CNTLN: variants seen among roughly 807,000 people sequenced by gnomAD.
CNTLN encodes the protein centlein, centrosomal protein.
CNTLN carries 212 observed loss-of-function variants against 180.0 expected under a neutral mutation model. The observed-to-expected ratio is 1.18, with a 90% CI of 1.05 to 1.32. The LOEUF (loss-of-function observed/expected upper bound fraction) is 1.32, where lower values mean the gene tolerates loss of function less well. CNTLN is among the 40% of genes most tolerant of loss of function. The probability of loss-of-function intolerance (pLI) is 0.00; values close to 1 mark genes in which losing one functional copy is unlikely to be tolerated. For synonymous variants in CNTLN, 722 were observed against 563.1 expected (o/e 1.28, Z -3.99); for missense variants, 2,095 against 1,610.9 (o/e 1.30, Z -5.14).
chr9:17,443,027 G>T (rs947870337), intron 18 of CNTLN, among the ~76,000 whole-genome samples: 23 of 151,276 alleles, frequency 1.5e-4, no homozygotes, highest in Non-Finnish European at 1.6e-4. Flanking sequence ...AAACAGTTCT[G>T]TTAAAAGGTG....
At chr9:17,382,790 T>A (rs1825364304) in intron 13 of CNTLN, among the ~76,000 whole-genome samples, 1 of 152,214 alleles carries the variant, frequency 6.6e-6, no homozygotes, top group African/African-American at 2.4e-5. Context: ...CTTATTCTCT[T>A]ATTTAGTGAC....
chr9:17,388,436 G>A (rs1000010459), intron 14 of CNTLN, among the ~76,000 whole-genome samples, 183 bp downstream of exon 14: 2 of 152,014 alleles, frequency 1.3e-5, no homozygotes. Flanking sequence ...TGAAATAAAT[G>A]TGTAAACACT....
chr9:17,220,934 GATTT>G (rs1824092426), intron 2 of CNTLN, among the ~76,000 whole-genome samples: 1 of 152,068 alleles, frequency 6.6e-6, no homozygotes, highest in Non-Finnish European at 1.5e-5. Flanking sequence ...TATATGGAAT[GATTT>G]ATATTCCTTT....
At chr9:17,339,042 A>G (rs950431587) in intron 10 of CNTLN, among the ~76,000 whole-genome samples, 1 of 152,202 alleles carries the variant, frequency 6.6e-6, no homozygotes, top group Non-Finnish European at 1.5e-5. Context: ...TATATCTTCT[A>G]AAACTACTTA....
At chr9:17,147,479 T>C (rs528783523) in intron 2 of CNTLN, among the ~76,000 whole-genome samples, 4 of 152,312 alleles carry the variant, frequency 2.6e-5, no homozygotes, top group Admixed American at 2.0e-4. Context: ...TTCTGGGGCC[T>C]CTTCTATGAA....
intron 2 of CNTLN, among the ~76,000 whole-genome samples, chr9:17,165,097 C>G (rs1174537299): frequency 6.6e-6 from 1 of 152,082 alleles, no homozygotes; most frequent in Non-Finnish European, 1.5e-5. Context: ...CTTGGCCTCC[C>G]AAAGTGCTGG....
At chr9:17,346,481 A>G (rs1780015144) in intron 12 of CNTLN, among the ~76,000 whole-genome samples, 4 of 152,170 alleles carry the variant, frequency 2.6e-5, no homozygotes. Flanking sequence ...ATCACTACTG[A>G]ATGGTATTTT....
At chr9:17,367,848 C>A (rs7048748) in intron 13 of CNTLN, among the ~76,000 whole-genome samples, 2,484 of 151,626 alleles carry the variant, frequency 0.016, 72 homozygotes, top group African/African-American at 0.058. Flanking sequence ...GCAGCAATAC[C>A]CAGATGGTAC....
At chr9:17,518,185 T>C in the CNTLN span, among the ~76,000 whole-genome samples, 1 of 151,650 alleles carries the variant, frequency 6.6e-6, no homozygotes, top group East Asian at 2.0e-4. Flanking sequence ...GTAGCTAGGA[T>C]TACAGATGTG....
At chr9:17,314,978 T>C (rs934427432) in intron 8 of CNTLN, among the ~76,000 whole-genome samples, 1 of 152,132 alleles carries the variant, frequency 6.6e-6, no homozygotes, top group Non-Finnish European at 1.5e-5. Flanking sequence ...TATCACCAAT[T>C]ATTGTTATTG....
At chr9:17,235,896 T>C in intron 4 of CNTLN, 104 bp downstream of exon 4, 11 of 1,273,696 alleles carry the variant, frequency 8.6e-6, no homozygotes, top group Non-Finnish European at 1.1e-5. Flanking sequence ...GGAGGAAAAA[T>C]TGCCTTAGGC....
chr9:17,453,333 G>A (rs1830905301), intron 18 of CNTLN, among the ~76,000 whole-genome samples: 1 of 152,030 alleles, frequency 6.6e-6, no homozygotes, highest in African/African-American at 2.4e-5. Flanking sequence ...GGGACAGTTT[G>A]TAAAGCAATT....
In CNTLN at chr9:17,169,022, G is replaced by T. The variant is rs534144399; in HGVS notation, c.449+25646G>T. ...GAGTCTTTTTATTTTTTAAGTGACC[G>T]CATCTTGCTTTGTCACCCAGGATAG... On this transcript the variant is annotated intron_variant, in intron 2 of 25. Coordinates refer to ENST00000380647, the MANE Select transcript of CNTLN (RefSeq NM_017738.4). Among the ~76,000 whole-genome samples, 163 of 152,112 alleles carry T rather than the reference G, an allele frequency of 1.1e-3. 2 individuals are homozygous for T. Among genetic ancestry groups the T allele is most frequent in the African/African-American group, 3.8e-3 (156 of 41,502 alleles).
rs1236896448 is a variant in CNTLN at position 17,342,369 on chromosome 9, G to A, written c.1811G>A (p.Arg604Gln). 1.2e-6 allele frequency: 2 copies of A among 1,612,036 alleles called. No individual in the cohort carries two copies. The highest frequency in any genetic ancestry group is 1.7e-6 in the Non-Finnish European group (2 of 1,179,244). The stretch of plus-strand genomic sequence containing the variant: ...AAGAGAGCAGATCCCCAACAACTTC[G>A]ACAAGAAGATTCTGACGCTGTGTGG... ...KIKRADPQQL[R>Q]QEDSDAVWNE... The change falls in exon 12 of 26, where the codon CGA becomes CAA. Residue 604 changes from arginine (R) to glutamine (Q), a missense_variant. Coordinates refer to ENST00000380647, the MANE Select transcript of CNTLN (RefSeq NM_017738.4).
Position 17,475,204 on chromosome 9 carries a change from A to T in CNTLN, c.3855+8313A>T, listed in dbSNP as rs531856095. Among the ~76,000 whole-genome samples the T allele has an allele frequency of 3.9e-5, 6 of 152,216 alleles. No individual in the cohort carries two copies. In the East Asian group the frequency reaches 1.2e-3, roughly 30 times the overall value. ...AAATTTCAAACATATGAAACAATGGAAAACAAAGAAGCTAGTAAAACCTGT... is the reference window on the plus strand; with the variant it reads ...AAATTTCAAACATATGAAACAATGGTAAACAAAGAAGCTAGTAAAACCTGT... On this transcript the variant is annotated intron_variant, in intron 23 of 25. Coordinates refer to ENST00000380647, the MANE Select transcript of CNTLN (RefSeq NM_017738.4).
intron 8 of CNTLN, among the ~76,000 whole-genome samples, chr9:17,323,290 A>C (rs1030084421): frequency 2.0e-5 from 3 of 152,200 alleles, no homozygotes; most frequent in African/African-American, 7.2e-5. Context: ...AATACAGCCT[A>C]CTGCGCTTCA....
At chr9:17,360,442 C>T (rs1350311058) in intron 12 of CNTLN, among the ~76,000 whole-genome samples, 1 of 152,040 alleles carries the variant, frequency 6.6e-6, no homozygotes, top group African/African-American at 2.4e-5. Context: ...CTAAACTGAC[C>T]TTATCAGGAT....
chr9:17,235,435 T>C (rs1428055565), intron 3 of CNTLN, among the ~76,000 whole-genome samples: 1 of 152,134 alleles, frequency 6.6e-6, no homozygotes, highest in African/African-American at 2.4e-5. Flanking sequence ...TAATATTTAA[T>C]ATCCAGTTTT....
chr9:17,267,419 G>A (rs1382431883), intron 5 of CNTLN, among the ~76,000 whole-genome samples: 1 of 152,140 alleles, frequency 6.6e-6, no homozygotes, highest in Admixed American at 6.5e-5. Flanking sequence ...CTGTTCGTCT[G>A]ATGGGCTTCC....
Sources: gnomAD v4.1 joint callset for allele counts (sites outside exome capture counted in the v4.1 genomes callset) on GRCh38, gnomAD v4.1.1 for gene constraint, MANE v1.5 for transcripts, NCBI Gene and HGNC (gene_info 2026-07-23, HGNC 2026-07-21) for gene names.